Variants in NYNRIN observed in about 807,000 individuals in gnomAD.
The protein encoded by NYNRIN is NYN domain and retroviral integrase containing, also known as protein NYNRIN.
Under a neutral mutation model 146.6 loss-of-function variants are expected in NYNRIN, and 86 were observed. The observed-to-expected ratio is 0.59, with a 90% confidence interval of 0.49 to 0.70. The LOEUF is 0.70. Among genes scored for constraint, NYNRIN ranks in the 30% least tolerant of loss-of-function variants. NYNRIN has a pLI of 0.00. For synonymous variants in NYNRIN, 1,027 were observed against 1,001.3 expected (o/e 1.03, Z -0.48); for missense variants, 2,191 against 2,377.7 (o/e 0.92, Z 1.63).
rs1239259806 is a variant in NYNRIN at position 24,418,122 on chromosome 14, A to C, written c.*676A>C. The C allele has an allele frequency of 5.3e-6, 2 of 378,960 alleles. No individual in the cohort carries two copies. Among genetic ancestry groups the C allele is most frequent in the African/African-American group, 2.1e-5 (1 of 47,138 alleles). The allele number at this position is 378,960 out of a possible 1,614,324, so 23.5% of individuals were successfully genotyped here. On this transcript the variant is annotated 3_prime_UTR_variant, in exon 9 of 9. Coordinates refer to ENST00000382554, the MANE Select transcript of NYNRIN (RefSeq NM_025081.3). ...AGCCACAAGCCACCAGCTTGTCAGC[A>C]TGGGAAGGGCAAGGGGGAAATGGGT...
chr14:24,407,848 T>A lies in NYNRIN; in HGVS notation c.199-21T>A, dbSNP rs1237045297. 6.4e-6 allele frequency: 10 copies of A among 1,573,374 alleles called. No individual in the cohort carries two copies. In the South Asian group the frequency reaches 1.1e-4, roughly 17 times the overall value. On this transcript the variant is annotated intron_variant, in intron 2 of 8. Transcript: ENST00000382554. ...GGCCCCCAACGGGCTGACTTCATTGTGTTCTCCCCATTGTGCCCAGGAATA... is the reference window on the plus strand; with the variant it reads ...GGCCCCCAACGGGCTGACTTCATTGAGTTCTCCCCATTGTGCCCAGGAATA...
chr14:24,413,858 A>G (rs1204177967), intron 8 of NYNRIN, among the ~76,000 whole-genome samples: 2 of 152,166 alleles, frequency 1.3e-5, no homozygotes, highest in African/African-American at 4.8e-5. Context: ...TATTCTTTGT[A>G]TCCAAGGGAA....
Position 24,409,957 on chromosome 14 carries a change from A to T in NYNRIN, c.2163A>T (p.Gly721=). 1 of 1,613,818 alleles carries T rather than the reference A, an allele frequency of 6.2e-7. No homozygotes were observed. Among genetic ancestry groups the T allele is most frequent in the Non-Finnish European group, 8.5e-7 (1 of 1,179,788 alleles). ...VSLLKGQGQA[G]RQGPQSSGTL... Reference sequence around the variant, plus strand: ...TACTGAAGGGCCAGGGGCAGGCTGGAAGGCAGGGTCCCCAGTCCAGTGGCA... The same window carrying T: ...TACTGAAGGGCCAGGGGCAGGCTGGTAGGCAGGGTCCCCAGTCCAGTGGCA... Residue 721 remains glycine (G), a synonymous_variant, in exon 4 of 9, where the codon GGA becomes GGT. Coordinates refer to ENST00000382554, the MANE Select transcript of NYNRIN (RefSeq NM_025081.3).
Position 24,418,520 on chromosome 14 carries a change from G to T in NYNRIN, c.*1074G>T, listed in dbSNP as rs1305820023. Reference sequence around the variant, plus strand: ...GCCTTCTGTGTAGAGCAAAACCCAGGCTCCCTCACAGCCATTCTTTGCAGA... The same window carrying T: ...GCCTTCTGTGTAGAGCAAAACCCAGTCTCCCTCACAGCCATTCTTTGCAGA... On this transcript the variant is annotated 3_prime_UTR_variant, in exon 9 of 9. Coordinates refer to ENST00000382554, the MANE Select transcript of NYNRIN (RefSeq NM_025081.3). 3.1e-6 allele frequency: 1 copy of T among 319,246 alleles called. No individual in the cohort carries two copies. Among genetic ancestry groups the T allele is most frequent in the Non-Finnish European group, 6.2e-6 (1 of 162,314 alleles). 19.8% of individuals were successfully genotyped at this position (319,246 alleles called of 1,614,324 possible).
chr14:24,411,291 C>T lies in NYNRIN; in HGVS notation c.2546-63C>T. The T allele has an allele frequency of 6.2e-7, 1 of 1,610,250 alleles. No individual in the cohort carries two copies. The highest frequency in any genetic ancestry group is 1.1e-5 in the South Asian group (1 of 91,012). Reference sequence around the variant, plus strand: ...TTGCTGCCCCGACCCTCTGCCACCCCAGAGTGGCCATTTCCACTTAGCCCT... The same window carrying T: ...TTGCTGCCCCGACCCTCTGCCACCCTAGAGTGGCCATTTCCACTTAGCCCT... On this transcript the variant is annotated intron_variant, in intron 5 of 8. Transcript: ENST00000382554. The surrounding 1 kb of genome is among the most constrained non-coding windows in gnomAD (Gnocchi z 4.3).
At chr14:24,412,733 C>T (rs780647257) in intron 6 of NYNRIN, 13 of 348,870 alleles carry the variant, frequency 3.7e-5, no homozygotes, top group Non-Finnish European at 5.3e-5. Context: ...TGTGCCTATG[C>T]GTATAACAGG....
intron 2 of NYNRIN, among the ~76,000 whole-genome samples, chr14:24,402,442 G>A (rs1364809314): frequency 6.6e-6 from 1 of 152,122 alleles, no homozygotes; most frequent in African/African-American, 2.4e-5. Flanking sequence ...CAGTGGTGGT[G>A]GGCAAGAGTA....
At chr14:24,399,138 G>A (rs1306394474) in intron 1 of NYNRIN, 52 bp downstream of exon 1, 6 of 1,015,460 alleles carry the variant, frequency 5.9e-6, no homozygotes, top group Admixed American at 2.8e-5. Flanking sequence ...GCGCCGCGGG[G>A]AGGAGGGGGC....
Position 24,415,541 on chromosome 14 carries a change from C to T in NYNRIN, c.3792C>T (p.Asp1264=). The change falls in exon 9 of 9, where the codon GAC becomes GAT. Residue 1264 remains aspartate (D), a synonymous_variant. Transcript: ENST00000382554. ...WLIRWSLLVQ[D]KGKRALELAL... ...TCCGATGGTCCCTCTTGGTTCAGGACAAAGGCAAGAGGGCCCTGGAATTGG... is the reference window on the plus strand; with the variant it reads ...TCCGATGGTCCCTCTTGGTTCAGGATAAAGGCAAGAGGGCCCTGGAATTGG... The T allele has an allele frequency of 1.2e-6, 2 of 1,613,846 alleles. No homozygotes were observed. The highest frequency in any genetic ancestry group is 1.7e-6 in the Non-Finnish European group (2 of 1,179,824).
At position 24,411,332 on chromosome 14, in the gene NYNRIN, G is replaced by A. The variant is rs779182166; in HGVS notation, c.2546-22G>A. ...ACTTAGCCCTCCCTTGACCATTTCT[G>A]TCTTCTGCCTTTCACCCCCAGAGAG... is the stretch of plus-strand genomic sequence containing the variant. On this transcript the variant is annotated intron_variant, in intron 5 of 8. Coordinates refer to ENST00000382554, the MANE Select transcript of NYNRIN (RefSeq NM_025081.3). This position sits in a 1 kb window ranked among gnomAD's most constrained non-coding sequence, Gnocchi z 4.3. The A allele has an allele frequency of 2.5e-6, 4 of 1,613,670 alleles. No individual in the cohort carries two copies. In the South Asian group the frequency reaches 4.4e-5, roughly 18 times the overall value.
intron 8 of NYNRIN, among the ~76,000 whole-genome samples, chr14:24,414,019 C>T (rs778472866): frequency 1.3e-5 from 2 of 152,240 alleles, no homozygotes; most frequent in Non-Finnish European, 2.9e-5. Flanking sequence ...GGTCACATTG[C>T]TGGTGCCAGC....
At chr14:24,404,341 C>T (rs554090399) in intron 2 of NYNRIN, among the ~76,000 whole-genome samples, 1 of 152,152 alleles carries the variant, frequency 6.6e-6, no homozygotes, top group African/African-American at 2.4e-5. Context: ...CTTATATTCT[C>T]TCTGTTAAAA....
At position 24,416,370 on chromosome 14, in the gene NYNRIN, C is replaced by T. The variant is rs532149352; in HGVS notation, c.4621C>T (p.Arg1541Trp). 2.0e-5 allele frequency: 32 copies of T among 1,613,094 alleles called. No homozygotes were observed. The highest frequency in any genetic ancestry group is 1.6e-4 in the South Asian group (15 of 90,932). Reference protein sequence around the residue: ...PRVWVVPTQLRRDLIFSVHDI... With the variant: ...PRVWVVPTQLWRDLIFSVHDI... ...GGTCTGGGTAGTCCCGACGCAACTCCGGAGGGATCTGATTTTCTCTGTGCA... is the reference window on the plus strand; with the variant it reads ...GGTCTGGGTAGTCCCGACGCAACTCTGGAGGGATCTGATTTTCTCTGTGCA... The change falls in exon 9 of 9, where the codon CGG becomes TGG. Residue 1541 changes from arginine to tryptophan, a missense_variant. Coordinates refer to ENST00000382554, the MANE Select transcript of NYNRIN (RefSeq NM_025081.3).
At position 24,416,511 on chromosome 14, in the gene NYNRIN, T is replaced by C. The variant is rs1395451022; in HGVS notation, c.4762T>C (p.Phe1588Leu). The C allele has an allele frequency of 1.2e-6, 2 of 1,613,808 alleles. No individual in the cohort carries two copies. The highest frequency in any genetic ancestry group is 1.3e-5 in the African/African-American group (1 of 75,034). The part of the protein sequence containing the change: ...HVKDYCRSCL[F>L]CIPRNLIGSE... ...GAAAGATTACTGCAGGAGCTGCTTG[T>C]TCTGCATCCCCCGAAATCTCATAGG... Residue 1588 changes from phenylalanine to leucine, a missense_variant, in exon 9 of 9, where the codon TTC becomes CTC. By Grantham distance (22) the Phe-to-Leu change is conservative. Coordinates refer to ENST00000382554, the MANE Select transcript of NYNRIN (RefSeq NM_025081.3).
chr14:24,409,799 C>G lies in NYNRIN; in HGVS notation c.2005C>G (p.Pro669Ala). 1 of 1,613,302 alleles carries G rather than the reference C, an allele frequency of 6.2e-7. No homozygotes were observed. Among genetic ancestry groups the G allele is most frequent in the Non-Finnish European group, 8.5e-7 (1 of 1,179,614 alleles). Residue 669 changes from proline (P) to alanine (A), a missense_variant, in exon 4 of 9, where the codon CCT (proline) becomes GCT (alanine). Pro to Ala is a conservative substitution (Grantham distance 27). Around this residue, in one of 3 missense-constraint regions of NYNRIN, gnomAD observed 895 missense variants for 941.2 expected, o/e 0.95. Transcript: ENST00000382554. Reference sequence around the variant, plus strand: ...CAAAGCACCTGCAGCTCCCAAAGTACCTGTGACCCCCAGAGTCTCCAGAGC... The same window carrying G: ...CAAAGCACCTGCAGCTCCCAAAGTAGCTGTGACCCCCAGAGTCTCCAGAGC... ...ASKAPAAPKV[P>A]VTPRVSRAPK... is the part of the protein sequence containing the mutation.
chr14:24,403,418 C>T (rs992422343), intron 2 of NYNRIN, among the ~76,000 whole-genome samples: 2 of 152,190 alleles, frequency 1.3e-5, no homozygotes, highest in Admixed American at 6.5e-5. Flanking sequence ...ACACAGCTGT[C>T]GTTCTTGGCA....
chr14:24,409,510 A>C lies in NYNRIN; in HGVS notation c.1716A>C (p.Thr572=), dbSNP rs1340602275. Residue 572 remains threonine, a synonymous_variant, in exon 4 of 9, where the codon ACA becomes ACC. Coordinates refer to ENST00000382554, the MANE Select transcript of NYNRIN (RefSeq NM_025081.3). ...CATCTGCAGCTCCCAAACTGCCTAC[A>C]TCTCGAATGATGCTGGCAGTGCACA... ...QVPSAAPKLP[T]SRMMLAVHTE... The C allele has an allele frequency of 6.2e-7, 1 of 1,613,348 alleles. No individual in the cohort carries two copies. The highest frequency in any genetic ancestry group is 8.5e-7 in the Non-Finnish European group (1 of 1,179,684).
Position 24,415,811 on chromosome 14 carries a change from C to A in NYNRIN, c.4062C>A (p.His1354Gln). The A allele has an allele frequency of 6.2e-7, 1 of 1,614,018 alleles. No homozygotes were observed. The highest frequency in any genetic ancestry group is 8.5e-7 in the Non-Finnish European group (1 of 1,179,900). ...CCCCTTACACGCCAACCTATGCCCA[C>A]CTGGCAGCCGTGGCCTGCGGCCTGG... ...SCSPYTPTYA[H>Q]LAAVACGLER... Residue 1354 changes from histidine to glutamine, a missense_variant, in exon 9 of 9, where the codon CAC becomes CAA. Physicochemically the swap from His to Gln is conservative, Grantham distance 24. This residue lies in a region of NYNRIN where 1,291 missense variants were observed against 1,417.0 expected (regional missense o/e 0.91). Transcript: ENST00000382554.
At position 24,417,310 on chromosome 14, in the gene NYNRIN, A is replaced by G; in HGVS notation, c.5561A>G (p.Asp1854Gly). 1 of 1,612,988 alleles carries G rather than the reference A, an allele frequency of 6.2e-7. No homozygotes were observed. The highest frequency in any genetic ancestry group is 8.5e-7 in the Non-Finnish European group (1 of 1,179,448). The change falls in exon 9 of 9, where the codon GAC becomes GGC. Residue 1854 changes from aspartate to glycine, a missense_variant. Transcript: ENST00000382554. The stretch of plus-strand genomic sequence containing the variant: ...TGGGTGGGTCCCTTCTATATCGGGG[A>G]CCGGCTGAGCCTGTCACTCTATAGG... ...AKWVGPFYIG[D>G]RLSLSLYRIW... is the part of the protein sequence containing the mutation.
Sources: gnomAD v4.1 joint callset for allele counts (sites outside exome capture counted in the v4.1 genomes callset) on GRCh38, gnomAD v4.1.1 for gene constraint, gnomAD v4.1.1 regional missense constraint, Gnocchi (gnomAD v3.1) non-coding constraint, MANE v1.5 for transcripts, NCBI Gene and HGNC (gene_info 2026-07-23, HGNC 2026-07-21) for gene names.